The following HECW2 variants were observed in gnomAD, a reference collection of about 807,000 sequenced individuals.
HECW2 encodes the protein HECT, C2 and WW domain containing E3 ubiquitin protein ligase 2.
In HECW2, 61 loss-of-function variants were observed where a neutral mutation model predicts 175.2. The ratio of observed to expected loss-of-function variants is 0.35; its 90% CI spans 0.28 to 0.43. The LOEUF (loss-of-function observed/expected upper bound fraction) is 0.43. Ranked by LOEUF, HECW2 falls within the 20% of genes least tolerant of loss-of-function variation. The pLI, the probability that HECW2 is intolerant of heterozygous loss-of-function variation, is 1.00. For synonymous variants in HECW2, 671 were observed against 731.0 expected, an observed-to-expected ratio of 0.92 and a Z score of 1.32; for missense variants, 1,524 against 2,000.5, an observed-to-expected ratio of 0.76 and a Z score of 4.54.
At chr2:196,352,185 TG>T (rs1406694073) in intron 2 of HECW2, among the ~76,000 whole-genome samples, 1 of 152,216 alleles carries the variant, frequency 6.6e-6, no homozygotes, top group Non-Finnish European at 1.5e-5. Context: ...CTTCTCTGAA[TG>T]GAGACAAGAG....
intron 1 of HECW2, among the ~76,000 whole-genome samples, chr2:196,584,891 G>T (rs1690919949): frequency 6.6e-6 from 1 of 151,976 alleles, no homozygotes; most frequent in African/African-American, 2.4e-5. Context: ...TTCATTTGTT[G>T]CTTATGAAAT....
intron 14 of HECW2, among the ~76,000 whole-genome samples, chr2:196,284,363 A>C (rs1291092455): frequency 6.6e-6 from 1 of 152,204 alleles, no homozygotes; most frequent in African/African-American, 2.4e-5. Context: ...TTGTTTACAC[A>C]TGTTTTTTAC....
rs1691985476 is a variant in HECW2, at chr2:196,322,467, G to C, written c.884+11C>G. On this transcript the variant is annotated intron_variant, in intron 7 of 28. Coordinates refer to ENST00000644978, the MANE Select transcript of HECW2 (RefSeq NM_001348768.2). ...ATCTCAACAAGATCCCCAAAGGTAAGGGCTGATTACCCGATGGCTTGTCGC... is the reference window on the plus strand; with the variant it reads ...ATCTCAACAAGATCCCCAAAGGTAACGGCTGATTACCCGATGGCTTGTCGC... 1 of 1,611,816 alleles carries C rather than the reference G, an allele frequency of 6.2e-7. No individual in the cohort carries two copies. The highest frequency in any genetic ancestry group is 8.5e-7 in the Non-Finnish European group (1 of 1,179,144).
At chr2:196,209,586 T>C (rs992047032) in intron 28 of HECW2, among the ~76,000 whole-genome samples, 7 of 152,112 alleles carry the variant, frequency 4.6e-5, no homozygotes, top group African/African-American at 1.7e-4. Context: ...AGCAGACCAC[T>C]GTATGAGAAT....
intron 2 of HECW2, among the ~76,000 whole-genome samples, chr2:196,421,475 T>C (rs1171102106): frequency 2.0e-5 from 3 of 152,130 alleles, no homozygotes; most frequent in Non-Finnish European, 4.4e-5. Context: ...ATAAAATAAT[T>C]GCATTATAAG....
intron 1 of HECW2, among the ~76,000 whole-genome samples, chr2:196,534,250 C>T (rs376303354): frequency 2.1e-4 from 32 of 151,448 alleles, no homozygotes; most frequent in African/African-American, 7.1e-4. Context: ...AATGAGTCTT[C>T]GGTGTGTGTC....
At chr2:196,464,131 C>T (rs151165147) in intron 1 of HECW2, among the ~76,000 whole-genome samples, 14 of 152,028 alleles carry the variant, frequency 9.2e-5, no homozygotes, top group African/African-American at 3.4e-4. Flanking sequence ...TCAACTGCTT[C>T]CAATTTCATT....
chr2:196,384,860 T>C (rs1281170049), intron 2 of HECW2, among the ~76,000 whole-genome samples: 2 of 152,196 alleles, frequency 1.3e-5, no homozygotes, highest in Non-Finnish European at 2.9e-5. Flanking sequence ...TCTCAGTAAC[T>C]TCATGAAACT....
chr2:196,512,434 C>A (rs576328262), intron 1 of HECW2, among the ~76,000 whole-genome samples: 1 of 152,062 alleles, frequency 6.6e-6, no homozygotes, highest in Non-Finnish European at 1.5e-5. Context: ...CACTGTCACC[C>A]AGGTTGGAGT....
At chr2:196,352,051 C>T (rs1693188567) in intron 2 of HECW2, among the ~76,000 whole-genome samples, 1 of 152,166 alleles carries the variant, frequency 6.6e-6, no homozygotes, top group Admixed American at 6.5e-5. Context: ...CTGAATGTAC[C>T]AAATGGAGCA....
chr2:196,263,987 A>T (rs1349927667), intron 17 of HECW2: 2 of 152,114 alleles, frequency 1.3e-5, no homozygotes, highest in Admixed American at 1.3e-4. Context: ...AATAAAGCCA[A>T]ACTAGATTTC....
chr2:196,440,909 ATT>A (rs1491151121), intron 1 of HECW2, among the ~76,000 whole-genome samples: 1 of 152,172 alleles, frequency 6.6e-6, no homozygotes, highest in Admixed American at 6.5e-5. Flanking sequence ...TCCTTAAAAA[ATT>A]AAAAAAAACC....
At chr2:196,237,893 A>G (rs1018438937) in intron 21 of HECW2, among the ~76,000 whole-genome samples, 2 of 152,106 alleles carry the variant, frequency 1.3e-5, no homozygotes, top group Admixed American at 1.3e-4. Context: ...CATCTTGTAT[A>G]TTTCCTGCTT....
At chr2:196,314,671 A>G (rs1223658992) in intron 10 of HECW2, among the ~76,000 whole-genome samples, 2 of 152,240 alleles carry the variant, frequency 1.3e-5, no homozygotes, top group Non-Finnish European at 2.9e-5. Flanking sequence ...AAATTATTGA[A>G]AGAACAAAAA....
intron 17 of HECW2, among the ~76,000 whole-genome samples, chr2:196,267,124 G>A (rs1689548370): frequency 6.6e-6 from 1 of 152,188 alleles, no homozygotes; most frequent in Non-Finnish European, 1.5e-5. Flanking sequence ...ATAATCACTG[G>A]TGCCTGGGGA....
chr2:196,215,007 T>A (rs1441975836), intron 28 of HECW2, among the ~76,000 whole-genome samples: 2 of 152,158 alleles, frequency 1.3e-5, no homozygotes, highest in Non-Finnish European at 2.9e-5. Context: ...CTCTCTAGAG[T>A]ATAGTTGTAT....
At chr2:196,216,350 A>C (rs902282767) in intron 27 of HECW2, among the ~76,000 whole-genome samples, 1 of 152,176 alleles carries the variant, frequency 6.6e-6, no homozygotes, top group South Asian at 2.1e-4. Flanking sequence ...GAATTTAAAA[A>C]AGAGAATGTC....
At chr2:196,295,941 T>C (rs1330746993) in intron 13 of HECW2, among the ~76,000 whole-genome samples, 1 of 152,162 alleles carries the variant, frequency 6.6e-6, no homozygotes. Flanking sequence ...ATGCAGGAGA[T>C]TTCTCTCAGT....
At chr2:196,581,512 C>T (rs546634078) in intron 1 of HECW2, among the ~76,000 whole-genome samples, 4 of 151,600 alleles carry the variant, frequency 2.6e-5, no homozygotes, top group South Asian at 4.2e-4. Context: ...CCAGCCTGGA[C>T]GATACAGTGA....
Sources: allele counts gnomAD v4.1 joint callset (sites outside exome capture counted in the v4.1 genomes callset), GRCh38; gene constraint gnomAD v4.1.1; transcripts MANE v1.5; gene names NCBI Gene and HGNC (gene_info 2026-07-23, HGNC 2026-07-21).